Variants in IDE observed in about 807,000 individuals in gnomAD.
The protein encoded by IDE is insulin-degrading enzyme.
IDE carries 58 observed loss-of-function variants against 133.2 expected under a neutral mutation model. The observed-to-expected ratio is 0.44, with a 90% CI of 0.35 to 0.54. IDE has a LOEUF of 0.54. Among genes scored for constraint, IDE ranks in the 20% least tolerant of loss-of-function variants. IDE has a pLI of 0.00. For missense variants in IDE, 981 were observed against 1,234.0 expected (o/e 0.79, Z 3.07); for synonymous variants, 396 against 421.3 (o/e 0.94, Z 0.73).
intron 15 of IDE, among the ~76,000 whole-genome samples, chr10:92,476,907 A>T (rs1846286335): frequency 6.6e-6 from 1 of 152,132 alleles, no homozygotes; most frequent in African/African-American, 2.4e-5. Context: ...GCTGAGATGG[A>T]AGGCTTGCTT....
At position 92,451,925 on chromosome 10, in the gene IDE, C is replaced by T. The variant is rs1844764399; in HGVS notation, c.*2519G>A. 6.6e-6 allele frequency: 1 copy of T among 152,252 alleles called. No homozygotes were observed. The highest frequency in any genetic ancestry group is 2.4e-5 in the African/African-American group (1 of 41,552). 9.4% of individuals were successfully genotyped at this position (152,252 alleles called of 1,614,324 possible). Reference sequence around the variant, plus strand: ...TTTTTTCTATCCTTTTTATTTTCATCCCTGTAAGGGCAGGAACAAATCTTT... The same window carrying T: ...TTTTTTCTATCCTTTTTATTTTCATTCCTGTAAGGGCAGGAACAAATCTTT... On this transcript the variant is annotated 3_prime_UTR_variant, in exon 25 of 25. Transcript: ENST00000265986.
intron 1 of IDE, among the ~76,000 whole-genome samples, chr10:92,551,938 C>A (rs1442739592): frequency 6.6e-6 from 1 of 152,068 alleles, no homozygotes; most frequent in Admixed American, 6.6e-5. Flanking sequence ...GAGTTTGAGA[C>A]CAGTCTGGGC....
chr10:92,528,871 G>GTTCGA (rs1849769301), intron 4 of IDE, among the ~76,000 whole-genome samples: 1 of 152,086 alleles, frequency 6.6e-6, no homozygotes, highest in African/African-American at 2.4e-5. Flanking sequence ...GAGGTCAGGA[G>GTTCGA]TTCGAGACCA....
chr10:92,474,557 G>A (rs1196036340), intron 17 of IDE: 1 of 209,650 alleles, frequency 4.8e-6, no homozygotes, highest in Admixed American at 5.5e-5. Flanking sequence ...TACATATAAT[G>A]TATAGTGATC....
At chr10:92,534,418 A>T (rs565845288) in intron 3 of IDE, among the ~76,000 whole-genome samples, 160 bp downstream of exon 3, 39 of 152,352 alleles carry the variant, frequency 2.6e-4, no homozygotes, top group African/African-American at 9.1e-4. Flanking sequence ...CATTTAAAAT[A>T]TGACATCACT....
At chr10:92,457,482 C>CCAT (rs1845094922) in intron 22 of IDE, among the ~76,000 whole-genome samples, 1 of 93,120 alleles carries the variant, frequency 1.1e-5, no homozygotes. Flanking sequence ...TCTCTCCATT[C>CCAT]CACCATGCTG....
intron 4 of IDE, among the ~76,000 whole-genome samples, chr10:92,522,844 C>T (rs527735166): frequency 1.4e-4 from 22 of 152,216 alleles, no homozygotes; most frequent in African/African-American, 5.1e-4. Flanking sequence ...ACGTAAAGTG[C>T]TTAGCATAGC....
chr10:92,556,490 G>T (rs985237475), intron 1 of IDE, among the ~76,000 whole-genome samples: 3 of 152,070 alleles, frequency 2.0e-5, no homozygotes, highest in Admixed American at 1.3e-4. Flanking sequence ...TGGGTGCAGT[G>T]GCTCACCCCT....
intron 1 of IDE, chr10:92,554,837 A>G (rs1238722781): frequency 6.6e-6 from 1 of 152,200 alleles, no homozygotes; most frequent in South Asian, 2.1e-4. Flanking sequence ...CCTGAGCAAC[A>G]AGAGCAAAAT....
rs769248551 is a variant in IDE, at chr10:92,537,416, A to G, written c.233T>C (p.Ile78Thr). 5.0e-6 allele frequency: 8 copies of G among 1,613,732 alleles called. No homozygotes were observed. In the South Asian group the frequency reaches 7.7e-5, roughly 16 times the overall value. ...TGACTTATCCGTGGTGGGATCACTG[A>G]TAAGAAGTACTTTGATACCATTGGC... is the stretch of plus-strand genomic sequence containing the variant. ...ELANGIKVLLISDPTTDKSSA... is the reference protein window; with the variant it reads ...ELANGIKVLLTSDPTTDKSSA... Residue 78 changes from isoleucine to threonine, a missense_variant, in exon 2 of 25, where the codon ATC becomes ACC. Ile to Thr is a moderately conservative substitution (Grantham distance 89, BLOSUM62 -1). Around this residue, in one of 2 missense-constraint regions of IDE, gnomAD observed 321 missense variants for 339.3 expected, o/e 0.95. Transcript: ENST00000265986.
chr10:92,501,069 G>GA (rs1238759189), intron 11 of IDE, among the ~76,000 whole-genome samples: 10 of 148,684 alleles, frequency 6.7e-5, no homozygotes, highest in Non-Finnish European at 1.2e-4. Context: ...AAGAAAAAAA[G>GA]AAAAAAAAGG....
Position 92,454,400 on chromosome 10 carries a change from C to T in IDE, c.*44G>A, listed in dbSNP as rs1554829530. 7.7e-7 allele frequency: 1 copy of T among 1,291,080 alleles called. No individual in the cohort carries two copies. The highest frequency in any genetic ancestry group is 1.2e-5 in the South Asian group (1 of 84,614). 80.0% of individuals were successfully genotyped at this position (1,291,080 alleles called of 1,614,324 possible). The stretch of plus-strand genomic sequence containing the variant: ...GATGATTTTCTTAGGCTCTGGAAGA[C>T]TCAGGAATGCATCCACTTGCACTTT... On this transcript the variant is annotated 3_prime_UTR_variant, in exon 25 of 25. Transcript: ENST00000265986.
chr10:92,543,396 T>C (rs892349693), intron 1 of IDE, among the ~76,000 whole-genome samples: 2 of 152,218 alleles, frequency 1.3e-5, no homozygotes, highest in Non-Finnish European at 1.5e-5. Context: ...GTACTATTAA[T>C]AATACATGAA....
rs761182091 is a variant in IDE, at chr10:92,479,262, G to C, written c.1884+15C>G. On this transcript the variant is annotated intron_variant, in intron 15 of 24. Transcript: ENST00000265986. ...AATGTTGATGAGTGGAAGGCTCTAA[G>C]GCGTGGGTACTTACATACATCCCAT... 1 of 1,589,318 alleles carries C rather than the reference G, an allele frequency of 6.3e-7. No individual in the cohort carries two copies. Among genetic ancestry groups the C allele is most frequent in the Non-Finnish European group, 8.6e-7 (1 of 1,159,862 alleles).
At chr10:92,515,584 G>A (rs1156955509) in intron 4 of IDE, among the ~76,000 whole-genome samples, 1 of 117,192 alleles carries the variant, frequency 8.5e-6, no homozygotes, top group African/African-American at 3.4e-5. Flanking sequence ...TTTTTGAGAC[G>A]GAATTTCGCT....
chr10:92,482,718 C>T (rs1000324574), intron 14 of IDE, among the ~76,000 whole-genome samples: 1 of 151,230 alleles, frequency 6.6e-6, no homozygotes, highest in Non-Finnish European at 1.5e-5. Flanking sequence ...AGCTAAAGGG[C>T]ATACTCATTA....
chr10:92,483,430 C>T (rs1456377145), intron 13 of IDE, 93 bp from the exon 14 acceptor site: 12 of 713,286 alleles, frequency 1.7e-5, no homozygotes, highest in Non-Finnish European at 3.0e-5. Context: ...AGGACAGAAG[C>T]AATAGTTAGA....
In IDE at chr10:92,452,882, G is replaced by GT. The variant is rs1844815306; in HGVS notation, c.*1561dup. 1 of 152,152 alleles carries GT rather than the reference G, an allele frequency of 6.6e-6. No individual in the cohort carries two copies. The highest frequency in any genetic ancestry group is 2.1e-4 in the South Asian group (1 of 4,826). 9.4% of individuals were successfully genotyped at this position (152,152 alleles called of 1,614,324 possible). On this transcript the variant is annotated 3_prime_UTR_variant, in exon 25 of 25. Transcript: ENST00000265986. ...ATAAAGACAGGCTTCATATAAGGAG[G>GT]TTCTTGAAGGTAGGGATAAAAAGAT...
intron 11 of IDE, among the ~76,000 whole-genome samples, chr10:92,495,547 C>T (rs1043847075): frequency 3.9e-5 from 6 of 152,012 alleles, no homozygotes; most frequent in Non-Finnish European, 5.9e-5. Flanking sequence ...GACGGGGTTT[C>T]GCCATGTTGG....
Sources: allele counts gnomAD v4.1 joint callset (sites outside exome capture counted in the v4.1 genomes callset), GRCh38; gene constraint gnomAD v4.1.1; regional missense constraint gnomAD v4.1.1; transcripts MANE v1.5; gene names NCBI Gene and HGNC (gene_info 2026-07-23, HGNC 2026-07-21).